ATP8A2: variants seen among roughly 807,000 people sequenced by gnomAD.
ATP8A2 encodes the protein ATPase phospholipid transporting 8A2.
A neutral mutation model predicts 165.6 loss-of-function variants in ATP8A2; 100 were observed. That is an observed-to-expected ratio of 0.60 (90% confidence interval 0.51 to 0.71). ATP8A2 has a LOEUF of 0.71. Ranked by LOEUF, ATP8A2 falls within the 30% of genes least tolerant of loss-of-function variation. The pLI is 0.00. For synonymous variants in ATP8A2, 543 were observed against 548.8 expected, an observed-to-expected ratio of 0.99 and a Z score of 0.15; for missense variants, 1,227 against 1,479.5, an observed-to-expected ratio of 0.83 and a Z score of 2.80.
At chr13:25,855,338 A>T (rs1952131019) in intron 30 of ATP8A2, among the ~76,000 whole-genome samples, 1 of 151,888 alleles carries the variant, frequency 6.6e-6, no homozygotes, top group Admixed American at 6.6e-5. Context: ...GTCTCTGTAG[A>T]TGTGCCCATT....
intron 24 of ATP8A2, among the ~76,000 whole-genome samples, chr13:25,641,391 A>G (rs2041516516): frequency 6.6e-6 from 1 of 152,216 alleles, no homozygotes; most frequent in Non-Finnish European, 1.5e-5. Context: ...TAAGCTGATA[A>G]GCAACTTCAG....
chr13:25,887,872 T>C (rs1441143811), intron 33 of ATP8A2, among the ~76,000 whole-genome samples: 1 of 152,196 alleles, frequency 6.6e-6, no homozygotes, highest in Admixed American at 6.5e-5. Context: ...AATGATCATA[T>C]CAATATGTTT....
At chr13:25,505,843 C>T (rs1593419381) in intron 2 of ATP8A2, among the ~76,000 whole-genome samples, 1 of 152,142 alleles carries the variant, frequency 6.6e-6, no homozygotes, top group African/African-American at 2.4e-5. Context: ...ATATTCTTGC[C>T]TTCCTTTATA....
At chr13:25,570,534 C>T (rs1005181913) in intron 16 of ATP8A2, among the ~76,000 whole-genome samples, 11 of 152,266 alleles carry the variant, frequency 7.2e-5, no homozygotes, top group African/African-American at 2.2e-4. Flanking sequence ...TGAGCTAAAG[C>T]GCAGGAGCTG....
intron 8 of ATP8A2, among the ~76,000 whole-genome samples, chr13:25,541,009 A>G (rs981870424): frequency 6.6e-6 from 1 of 151,654 alleles, no homozygotes; most frequent in African/African-American, 2.4e-5. Context: ...CTACAGGTGC[A>G]TGCTACTACA....
At chr13:25,797,162 G>A (rs1018805352) in intron 27 of ATP8A2, among the ~76,000 whole-genome samples, 1 of 152,128 alleles carries the variant, frequency 6.6e-6, no homozygotes, top group Non-Finnish European at 1.5e-5. Flanking sequence ...CAGCTGCTCG[G>A]GAGGCTGAGG....
chr13:25,636,397 G>T (rs2041368943), intron 24 of ATP8A2, among the ~76,000 whole-genome samples: 2 of 152,034 alleles, frequency 1.3e-5, no homozygotes, highest in South Asian at 4.2e-4. Context: ...ATATGCATGG[G>T]GTATCCTCGG....
chr13:25,667,109 C>A (rs947976660), intron 24 of ATP8A2, among the ~76,000 whole-genome samples: 8 of 152,048 alleles, frequency 5.3e-5, no homozygotes, highest in Middle Eastern at 3.2e-3. Flanking sequence ...TTCATTACCC[C>A]CAAATTAAAA....
At chr13:25,731,477 C>T (rs912583796) in intron 25 of ATP8A2, among the ~76,000 whole-genome samples, 6 of 152,110 alleles carry the variant, frequency 3.9e-5, no homozygotes, top group Admixed American at 2.6e-4. Context: ...ATTGAACTCT[C>T]GTGCCTGCTA....
chr13:25,822,506 CAT>C (rs1055722427), intron 27 of ATP8A2, among the ~76,000 whole-genome samples: 2 of 152,136 alleles, frequency 1.3e-5, no homozygotes, highest in African/African-American at 4.8e-5. Flanking sequence ...CATTTGTGTA[CAT>C]GTTTAATAAA....
intron 33 of ATP8A2, among the ~76,000 whole-genome samples, chr13:25,867,446 G>A (rs913816234): frequency 1.3e-5 from 2 of 152,248 alleles, no homozygotes; most frequent in East Asian, 1.9e-4. Flanking sequence ...TCTTTGCTCA[G>A]CTACCATTCC....
intron 1 of ATP8A2, among the ~76,000 whole-genome samples, chr13:25,419,283 C>T (rs1271081757): frequency 6.6e-6 from 1 of 152,142 alleles, no homozygotes; most frequent in Non-Finnish European, 1.5e-5. Context: ...ATACCCTCAT[C>T]TAAAACATGG....
At chr13:25,612,322 G>T (rs1225665060) in intron 24 of ATP8A2, among the ~76,000 whole-genome samples, 3 of 152,014 alleles carry the variant, frequency 2.0e-5, no homozygotes, top group Non-Finnish European at 4.4e-5. Context: ...CAGAGGTTTT[G>T]ATAGGTTGTA....
At chr13:25,913,224 T>C (rs1342446081) in intron 33 of ATP8A2, among the ~76,000 whole-genome samples, 1 of 152,202 alleles carries the variant, frequency 6.6e-6, no homozygotes, top group African/African-American at 2.4e-5. Context: ...TGTTTGACTC[T>C]GAAGCCTACA....
Position 25,875,430 on chromosome 13 carries a change from C to T in ATP8A2, c.3183+13022C>T, listed in dbSNP as rs567396821. ...GAATTCATAACATTGAACAACCTCT[C>T]GTGTACAATTGGGTGGGTCTGTAGT... On this transcript the variant is annotated intron_variant, in intron 33 of 36. Transcript: ENST00000381655. Among the ~76,000 whole-genome samples, 27 of 151,808 alleles carry T rather than the reference C, an allele frequency of 1.8e-4. 1 individual carries two copies. The highest frequency in any genetic ancestry group is 6.6e-4 in the African/African-American group (27 of 41,190).
chr13:25,603,453 A>G (rs912115850), intron 24 of ATP8A2, among the ~76,000 whole-genome samples: 1 of 149,286 alleles, frequency 6.7e-6, no homozygotes, highest in African/African-American at 2.5e-5. Context: ...CCTGGGTGAC[A>G]GAATGAGACT....
chr13:25,881,311 T>C (rs142527795), intron 33 of ATP8A2, among the ~76,000 whole-genome samples: 1 of 152,318 alleles, frequency 6.6e-6, no homozygotes, highest in Non-Finnish European at 1.5e-5. Context: ...TGGCATAACA[T>C]GCAGGAAATT....
intron 27 of ATP8A2, among the ~76,000 whole-genome samples, chr13:25,822,752 T>TTAGG (rs1951214419): frequency 1.3e-5 from 2 of 152,224 alleles, no homozygotes; most frequent in African/African-American, 4.8e-5. Context: ...TAGAAATTAG[T>TTAGG]TTCAAATTTG....
In ATP8A2 at chr13:25,930,281, TAG is replaced by T. The variant is rs1251423834; in HGVS notation, c.3184-31292_3184-31291del. Among the ~76,000 whole-genome samples the T allele has an allele frequency of 1.1e-4, 16 of 152,354 alleles. 1 individual carries two copies. The South Asian group carries it at 1.2e-3, about 12-fold the overall frequency. On this transcript the variant is annotated intron_variant, in intron 33 of 36. Transcript: ENST00000381655. ...CCCTTTAATGATGTAGAATTATACT[TAG>T]AACCCAGATACCTGCTAACAAGTCC...
Sources: gnomAD v4.1 joint callset for allele counts (sites outside exome capture counted in the v4.1 genomes callset) on GRCh38, gnomAD v4.1.1 for gene constraint, MANE v1.5 for transcripts, NCBI Gene and HGNC (gene_info 2026-07-23, HGNC 2026-07-21) for gene names.